SYT1: variants seen among roughly 807,000 people sequenced by gnomAD.
SYT1 encodes the protein synaptotagmin-1.
A neutral mutation model predicts 44.8 loss-of-function variants in SYT1; 8 were observed. The ratio of observed to expected loss-of-function variants is 0.18; its 90% CI spans 0.10 to 0.32. The LOEUF (loss-of-function observed/expected upper bound fraction) is 0.32. Ranked by LOEUF, SYT1 falls within the 10% of genes least tolerant of loss-of-function variation. The pLI is 1.00. For synonymous variants in SYT1, 154 were observed against 188.8 expected, an observed-to-expected ratio of 0.82 and a Z score of 1.51; for missense variants, 286 against 509.3, an observed-to-expected ratio of 0.56 and a Z score of 4.22.
chr12:78,877,880 C>T (rs1469391520), intron 1 of SYT1, among the ~76,000 whole-genome samples: 2 of 151,742 alleles, frequency 1.3e-5, no homozygotes, highest in African/African-American at 2.4e-5. Context: ...CTCCCTGATT[C>T]AGCTTCTCAA....
chr12:79,331,476 C>G (rs1015585888), intron 8 of SYT1, among the ~76,000 whole-genome samples: 4 of 152,068 alleles, frequency 2.6e-5, no homozygotes, highest in Non-Finnish European at 5.9e-5. Context: ...TTCATATTCT[C>G]CTAGTTGAAA....
chr12:79,299,055 A>G (rs543818041), intron 7 of SYT1, among the ~76,000 whole-genome samples: 6 of 152,266 alleles, frequency 3.9e-5, no homozygotes, highest in Middle Eastern at 3.4e-3. Context: ...AGAAAAACTT[A>G]CTTATAGTCA....
chr12:79,333,295 C>T (rs756453241), intron 8 of SYT1, among the ~76,000 whole-genome samples: 16 of 152,124 alleles, frequency 1.1e-4, no homozygotes, highest in Admixed American at 6.6e-5. Context: ...ACATGTCAGA[C>T]GGGGCAAAGG....
chr12:79,240,990 T>C (rs1876470436), intron 4 of SYT1, among the ~76,000 whole-genome samples: 2 of 152,036 alleles, frequency 1.3e-5, no homozygotes, highest in South Asian at 4.2e-4. Flanking sequence ...CTGGGCAACA[T>C]AGCAAGATCC....
At chr12:79,412,564 G>C (rs1165158620) in intron 9 of SYT1, among the ~76,000 whole-genome samples, 1 of 152,012 alleles carries the variant, frequency 6.6e-6, no homozygotes, top group Non-Finnish European at 1.5e-5. Context: ...CTGGGTGGGG[G>C]ACGGGACGAT....
intron 9 of SYT1, among the ~76,000 whole-genome samples, chr12:79,354,817 G>C (rs1203709994): frequency 6.6e-6 from 1 of 152,140 alleles, no homozygotes. Flanking sequence ...TTCCCTCCTA[G>C]ATTATTACTT....
intron 3 of SYT1, among the ~76,000 whole-genome samples, chr12:79,111,737 G>C (rs1393358751): frequency 2.0e-5 from 3 of 150,692 alleles, no homozygotes; most frequent in Non-Finnish European, 4.4e-5. Context: ...CACAAATCCT[G>C]CAAAAAAAAA....
At chr12:79,033,047 C>G (rs1298595627) in intron 2 of SYT1, among the ~76,000 whole-genome samples, 1 of 151,292 alleles carries the variant, frequency 6.6e-6, no homozygotes, top group African/African-American at 2.4e-5. Context: ...TTTGCCTGTT[C>G]TAAGGAATTA....
intron 1 of SYT1, among the ~76,000 whole-genome samples, chr12:78,927,840 A>G (rs368682177): frequency 2.0e-5 from 3 of 152,138 alleles, no homozygotes; most frequent in African/African-American, 7.2e-5. Flanking sequence ...CGTCTATAGC[A>G]TAATACTAAA....
At chr12:79,276,368 TA>T (rs1406176148) in intron 4 of SYT1, among the ~76,000 whole-genome samples, 1 of 134,594 alleles carries the variant, frequency 7.4e-6, no homozygotes, top group African/African-American at 2.7e-5. Flanking sequence ...AATATTTCTT[TA>T]AAAAACAAAA....
intron 2 of SYT1, among the ~76,000 whole-genome samples, chr12:79,026,582 A>C (rs1026066056): frequency 4.0e-5 from 6 of 148,746 alleles, no homozygotes; most frequent in African/African-American, 1.5e-4. Context: ...TTTAAAGCTA[A>C]TTGAAATTCC....
chr12:79,312,545 G>A (rs1294640073), intron 8 of SYT1, among the ~76,000 whole-genome samples: 1 of 152,102 alleles, frequency 6.6e-6, no homozygotes, highest in Non-Finnish European at 1.5e-5. Context: ...CATGTTATTT[G>A]TAAGTTGATG....
intron 8 of SYT1, among the ~76,000 whole-genome samples, chr12:79,310,041 T>C (rs1880691854): frequency 1.3e-5 from 2 of 152,066 alleles, no homozygotes; most frequent in Non-Finnish European, 2.9e-5. Flanking sequence ...TTTGTCAATT[T>C]TGGCTTTTGT....
At chr12:79,176,159 G>A (rs1030261930) in intron 3 of SYT1, among the ~76,000 whole-genome samples, 14 of 151,766 alleles carry the variant, frequency 9.2e-5, no homozygotes, top group African/African-American at 3.4e-4. Context: ...GTATGGTGGT[G>A]CATGCCTGGA....
intron 8 of SYT1, among the ~76,000 whole-genome samples, chr12:79,319,006 TAGAATC>T (rs754740015): frequency 1.9e-4 from 29 of 152,302 alleles, no homozygotes; most frequent in Admixed American, 1.4e-3. Flanking sequence ...ATATTTAACT[TAGAATC>T]AGAGGAGAGA....
chr12:78,995,677 T>G (rs1870328193), intron 2 of SYT1: 2 of 152,214 alleles, frequency 1.3e-5, no homozygotes, highest in Non-Finnish European at 1.5e-5. Context: ...AAGAGATTAA[T>G]TTCTATTAAA....
chr12:78,921,754 G>A (rs570084134), intron 1 of SYT1, among the ~76,000 whole-genome samples: 3 of 152,022 alleles, frequency 2.0e-5, no homozygotes, highest in African/African-American at 7.2e-5. Flanking sequence ...GCGCTGCTGA[G>A]ATAATTACAA....
rs140243104 is a variant in SYT1 at position 79,226,058 on chromosome 12, T to C, written c.166+8373T>C. On this transcript the variant is annotated intron_variant, in intron 4 of 10. Coordinates refer to ENST00000261205, the MANE Select transcript of SYT1 (RefSeq NM_005639.3). ...TGCCTAGCACATATGAGGCACTAAA[T>C]ACATATTTGATGAATGAGTGGATTA... 5.5e-3 allele frequency among the ~76,000 whole-genome samples: 839 copies of C among 152,328 alleles called. 5 individuals are homozygous for C. Among genetic ancestry groups the C allele is most frequent in the Non-Finnish European group, 8.5e-3 (578 of 68,024 alleles).
chr12:79,075,909 C>G (rs958893281), intron 3 of SYT1, among the ~76,000 whole-genome samples: 1 of 151,954 alleles, frequency 6.6e-6, no homozygotes, highest in East Asian at 1.9e-4. Flanking sequence ...TTATATCAAC[C>G]TTGTAGGGAA....
Sources: gnomAD v4.1 joint callset for allele counts (sites outside exome capture counted in the v4.1 genomes callset) on GRCh38, gnomAD v4.1.1 for gene constraint, MANE v1.5 for transcripts, NCBI Gene and HGNC (gene_info 2026-07-23, HGNC 2026-07-21) for gene names.